The following SPATS2 variants were observed in gnomAD, a reference collection of about 807,000 sequenced individuals.
The protein encoded by SPATS2 is spermatogenesis-associated serine-rich protein 2.
SPATS2 carries 38 observed loss-of-function variants against 63.7 expected under a neutral mutation model. The ratio of observed to expected loss-of-function variants is 0.60; its 90% CI spans 0.46 to 0.78. The LOEUF (loss-of-function observed/expected upper bound fraction) is 0.78, where lower values mean the gene tolerates loss of function less well. SPATS2 is among the 30% of genes least tolerant of loss of function. SPATS2 has a pLI of 0.00. For synonymous variants in SPATS2, 207 were observed against 232.9 expected (o/e 0.89, Z 1.01); for missense variants, 588 against 666.2 (o/e 0.88, Z 1.29).
At chr12:49,472,986 G>A (rs1368636184) in intron 3 of SPATS2, among the ~76,000 whole-genome samples, 1 of 151,042 alleles carries the variant, frequency 6.6e-6, no homozygotes, top group Non-Finnish European at 1.5e-5. Context: ...GGTAGTCGAG[G>A]CTGCAGTGAG....
At chr12:49,378,579 G>C (rs1487916322) in intron 2 of SPATS2, among the ~76,000 whole-genome samples, 1 of 151,684 alleles carries the variant, frequency 6.6e-6, no homozygotes, top group Non-Finnish European at 1.5e-5. Flanking sequence ...TTACAGGCAT[G>C]AGCCACCACG....
intron 2 of SPATS2, among the ~76,000 whole-genome samples, chr12:49,407,738 A>T (rs765461556): frequency 7.9e-5 from 12 of 152,208 alleles, no homozygotes; most frequent in South Asian, 2.1e-4. Context: ...ATTTTAATTT[A>T]AAAAATGTTT....
At chr12:49,519,508 G>A (rs77299132) in intron 11 of SPATS2, among the ~76,000 whole-genome samples, 1,597 of 152,234 alleles carry the variant, frequency 0.01, 26 homozygotes, top group African/African-American at 0.036. Context: ...CTGGACTTCT[G>A]TAAGAGCCTC....
At chr12:49,455,241 G>C (rs761570201) in intron 2 of SPATS2, among the ~76,000 whole-genome samples, 4 of 152,176 alleles carry the variant, frequency 2.6e-5, no homozygotes, top group Non-Finnish European at 5.9e-5. Flanking sequence ...GTAGATCTTT[G>C]TGTGTTGGGA....
chr12:49,431,015 A>C (rs143316328), intron 2 of SPATS2, among the ~76,000 whole-genome samples: 3 of 152,200 alleles, frequency 2.0e-5, no homozygotes, highest in South Asian at 2.1e-4. Flanking sequence ...GTGCGCTATT[A>C]ATTTTTTTGA....
In SPATS2 at chr12:49,482,204, A is replaced by AT. The variant is rs892978257; in HGVS notation, c.26-2384dup. ...TCATGTCATAGAATATAAATGCAAA[A>AT]TTGTCATTTGTGCCCTCCTGACCTA... On this transcript the variant is annotated intron_variant, in intron 3 of 13. Coordinates refer to ENST00000552918, the MANE Select transcript of SPATS2 (RefSeq NM_023071.4). Among the ~76,000 whole-genome samples, 176 of 152,330 alleles carry AT rather than the reference A, an allele frequency of 1.2e-3. 1 individual carries two copies. Among genetic ancestry groups the AT allele is most frequent in the Admixed American group, 5.2e-3 (80 of 15,302 alleles).
intron 11 of SPATS2, 43 bp from the exon 12 acceptor site, chr12:49,522,708 G>T (rs770883795): frequency 6.7e-7 from 1 of 1,482,764 alleles, no homozygotes; most frequent in Non-Finnish European, 9.4e-7. Context: ...TTCCATGGAT[G>T]TTGTTTGTCT....
chr12:49,431,249 CTTT>C (rs925791626), intron 2 of SPATS2, among the ~76,000 whole-genome samples: 2 of 147,576 alleles, frequency 1.4e-5, no homozygotes, highest in Non-Finnish European at 3.0e-5. Context: ...ATATAAAGAA[CTTT>C]TTTTTTTTCT....
chr12:49,374,060 TA>T (rs993415504), intron 2 of SPATS2, among the ~76,000 whole-genome samples: 23 of 151,906 alleles, frequency 1.5e-4, no homozygotes, highest in African/African-American at 5.1e-4. Context: ...CACTCCAACC[TA>T]AACAACAGAG....
chr12:49,462,465 G>A, intron 3 of SPATS2: 1 of 701,622 alleles, frequency 1.4e-6, no homozygotes, highest in South Asian at 1.5e-5. Context: ...TTTGTGGACG[G>A]CTTAAGTGTT....
rs12322364 is a variant in SPATS2, at chr12:49,515,015, A to G, written c.898+402A>G. 2.1e-3 allele frequency among the ~76,000 whole-genome samples: 318 copies of G among 152,346 alleles called. 1 individual carries two copies. The highest frequency in any genetic ancestry group is 7.0e-3 in the African/African-American group (293 of 41,582). The stretch of plus-strand genomic sequence containing the variant: ...ACGATTGTATGTGTATACTCCTATC[A>G]TTACCTATCTCAGAACTTTCTTTGT... On this transcript the variant is annotated intron_variant, in intron 10 of 13. Transcript: ENST00000552918.
intron 3 of SPATS2, among the ~76,000 whole-genome samples, chr12:49,471,176 G>A (rs928830501): frequency 1.3e-5 from 2 of 152,148 alleles, no homozygotes; most frequent in Non-Finnish European, 2.9e-5. Context: ...TAACTGAGAT[G>A]ATTCATGTAG....
intron 7 of SPATS2, among the ~76,000 whole-genome samples, chr12:49,496,370 C>G (rs1946463888): frequency 6.6e-6 from 1 of 152,210 alleles, no homozygotes; most frequent in African/African-American, 2.4e-5. Flanking sequence ...GCCTCAGCTT[C>G]CTGAATACCT....
intron 2 of SPATS2, among the ~76,000 whole-genome samples, chr12:49,420,284 C>G (rs565126906): frequency 1.3e-5 from 2 of 152,284 alleles, no homozygotes; most frequent in Admixed American, 6.5e-5. Context: ...AGGCAAAAAT[C>G]TTGATTTTCA....
intron 9 of SPATS2, among the ~76,000 whole-genome samples, chr12:49,514,237 T>A (rs937874624): frequency 1.3e-5 from 2 of 151,928 alleles, no homozygotes; most frequent in Admixed American, 6.6e-5. Context: ...CACAGCTTAC[T>A]AAAAAATGTG....
rs186939839 is a variant in SPATS2 at position 49,523,655 on chromosome 12, A to G, written c.1111+802A>G. 4.5e-3 allele frequency among the ~76,000 whole-genome samples: 691 copies of G among 152,248 alleles called. 2 individuals carry two copies. Among genetic ancestry groups the G allele is most frequent in the Non-Finnish European group, 7.4e-3 (506 of 68,014 alleles). ...AGCCTCTCTGTTCTTTCTGTCTAGT[A>G]TAAAAGTGAAATATTGCCAGGCGCG... On this transcript the variant is annotated intron_variant, in intron 12 of 13. Coordinates refer to ENST00000552918, the MANE Select transcript of SPATS2 (RefSeq NM_023071.4).
intron 7 of SPATS2, among the ~76,000 whole-genome samples, chr12:49,495,639 C>T (rs1946452819): frequency 6.6e-6 from 1 of 152,146 alleles, no homozygotes; most frequent in African/African-American, 2.4e-5. Context: ...TCAAGGTCAT[C>T]GCCAAGATCT....
chr12:49,493,841 C>T (rs1358456626), intron 6 of SPATS2, among the ~76,000 whole-genome samples: 1 of 152,344 alleles, frequency 6.6e-6, no homozygotes, highest in East Asian at 1.9e-4. Context: ...CCATTCTCCT[C>T]TTTGCCTGCT....
intron 1 of SPATS2, among the ~76,000 whole-genome samples, chr12:49,369,404 A>G (rs866016064): frequency 3.9e-5 from 6 of 152,126 alleles, no homozygotes; most frequent in East Asian, 3.8e-4. Flanking sequence ...ATCTCATTCA[A>G]TCCTCACAAT....
Sources: allele counts gnomAD v4.1 joint callset (sites outside exome capture counted in the v4.1 genomes callset), GRCh38; gene constraint gnomAD v4.1.1; transcripts MANE v1.5; gene names NCBI Gene and HGNC (gene_info 2026-07-23, HGNC 2026-07-21).